The following ITFG1 variants were observed in gnomAD, a reference collection of about 807,000 sequenced individuals.
ITFG1 encodes the protein integrin alpha FG-GAP repeat containing 1.
In ITFG1, 34 loss-of-function variants were observed where a neutral mutation model predicts 81.8. The ratio of observed to expected loss-of-function variants is 0.42; its 90% confidence interval spans 0.32 to 0.55. ITFG1 has a LOEUF of 0.55. Among genes scored for constraint, ITFG1 ranks in the 20% least tolerant of loss-of-function variants. The pLI is 0.17. For missense variants in ITFG1, 672 were observed against 755.4 expected (o/e 0.89, Z 1.29); for synonymous variants, 285 against 270.6 (o/e 1.05, Z -0.52).
intron 8 of ITFG1, among the ~76,000 whole-genome samples, chr16:47,318,567 A>G (rs892214298): frequency 1.3e-5 from 2 of 152,196 alleles, no homozygotes; most frequent in African/African-American, 4.8e-5. Context: ...CCATAGAAGA[A>G]TAGTTCTCAA....
intron 14 of ITFG1, among the ~76,000 whole-genome samples, chr16:47,214,682 G>A (rs186619817): frequency 6.6e-6 from 1 of 152,200 alleles, no homozygotes; most frequent in Admixed American, 6.5e-5. Context: ...TGACTCCTCT[G>A]TAATGTAACT....
chr16:47,335,409 A>G (rs1967691166), intron 8 of ITFG1, among the ~76,000 whole-genome samples: 1 of 152,102 alleles, frequency 6.6e-6, no homozygotes, highest in South Asian at 2.1e-4. Context: ...CCCCCAAAAC[A>G]ACAAAAAACC....
intron 14 of ITFG1, among the ~76,000 whole-genome samples, chr16:47,181,469 C>G (rs1421853609): frequency 6.9e-6 from 1 of 145,202 alleles, no homozygotes; most frequent in Non-Finnish European, 1.5e-5. Flanking sequence ...TCAGCCCCCC[C>G]GCCCGGCCAG....
chr16:47,203,334 G>C (rs1218183203), intron 14 of ITFG1, among the ~76,000 whole-genome samples: 1 of 152,222 alleles, frequency 6.6e-6, no homozygotes, highest in Non-Finnish European at 1.5e-5. Flanking sequence ...TTTTGTGGAA[G>C]ACAATTTTTC....
intron 10 of ITFG1, among the ~76,000 whole-genome samples, chr16:47,300,838 T>G (rs761008930): frequency 6.6e-6 from 1 of 152,182 alleles, no homozygotes. Context: ...TTTGTAAGTA[T>G]AGACAAATTA....
intron 7 of ITFG1, among the ~76,000 whole-genome samples, chr16:47,374,238 A>G (rs947797937): frequency 2.5e-4 from 38 of 152,336 alleles, no homozygotes; most frequent in African/African-American, 8.9e-4. Context: ...GAGTTTAAAA[A>G]TACTTTTTTC....
At chr16:47,349,173 T>C (rs1967909633) in intron 8 of ITFG1, among the ~76,000 whole-genome samples, 1 of 152,190 alleles carries the variant, frequency 6.6e-6, no homozygotes, top group South Asian at 2.1e-4. Context: ...AGTTACCAGC[T>C]AACATCATAA....
chr16:47,196,772 C>A (rs1467456743), intron 14 of ITFG1: 1 of 152,178 alleles, frequency 6.6e-6, no homozygotes, highest in Non-Finnish European at 1.5e-5. Flanking sequence ...GCCTGGCCAA[C>A]TGGTGAAACC....
chr16:47,449,610 T>C (rs575574675), intron 5 of ITFG1: 1 of 152,344 alleles, frequency 6.6e-6, no homozygotes, highest in Non-Finnish European at 1.5e-5. Context: ...GCTACTATTG[T>C]TTAATTTGTA....
rs774684276 is a variant in ITFG1, at chr16:47,461,033, C to T, written c.13G>A (p.Gly5Ser). Residue 5 changes from glycine to serine, a missense_variant, in exon 1 of 18, where the codon GGC becomes AGC. By Grantham distance (56) the Gly-to-Ser change is moderately conservative. Transcript: ENST00000320640. ...AGGGCCCAGGAGCTCGGGAGCCGGC[C>T]CGCCGCCGCCATGGCAGCCCCTCAG... Reference protein sequence around the residue: MAAAGRLPSSWALFS... With the variant: MAAASRLPSSWALFS... 4 of 1,541,120 alleles carry T rather than the reference C, an allele frequency of 2.6e-6. No individual in the cohort carries two copies. Among genetic ancestry groups the T allele is most frequent in the South Asian group, 2.4e-5 (2 of 84,062 alleles).
intron 6 of ITFG1, among the ~76,000 whole-genome samples, chr16:47,415,666 A>AT (rs1209504423): frequency 6.6e-6 from 1 of 152,168 alleles, no homozygotes; most frequent in Non-Finnish European, 1.5e-5. Context: ...ATGAAATACC[A>AT]TTTTTTCCAA....
intron 14 of ITFG1, among the ~76,000 whole-genome samples, chr16:47,189,167 C>T (rs1396280895): frequency 6.6e-6 from 1 of 152,200 alleles, no homozygotes; most frequent in African/African-American, 2.4e-5. Context: ...CCCAGTTATA[C>T]ATTTAGAATG....
intron 8 of ITFG1, among the ~76,000 whole-genome samples, chr16:47,354,802 C>T (rs572277047): frequency 5.3e-5 from 8 of 152,186 alleles, no homozygotes; most frequent in African/African-American, 1.7e-4. Flanking sequence ...TGCTCAACAT[C>T]ATGAATCATC....
At chr16:47,181,293 CTCTG>C (rs1201619728) in intron 14 of ITFG1, among the ~76,000 whole-genome samples, 1 of 148,876 alleles carries the variant, frequency 6.7e-6, no homozygotes, top group Non-Finnish European at 1.5e-5. Context: ...TGAGGAGCGT[CTCTG>C]TCTGGGAAGT....
At chr16:47,202,708 T>C (rs753237506) in intron 14 of ITFG1, among the ~76,000 whole-genome samples, 2 of 152,062 alleles carry the variant, frequency 1.3e-5, no homozygotes, top group Non-Finnish European at 2.9e-5. Context: ...GCCTAGGTCT[T>C]GAATAGATAT....
chr16:47,291,746 A>G (rs1434401297), intron 10 of ITFG1, among the ~76,000 whole-genome samples: 1 of 151,930 alleles, frequency 6.6e-6, no homozygotes, highest in East Asian at 1.9e-4. Context: ...TGTCTATTTT[A>G]TTTTTTATTT....
intron 13 of ITFG1, among the ~76,000 whole-genome samples, chr16:47,226,831 G>A (rs545848451): frequency 1.3e-5 from 2 of 151,412 alleles, no homozygotes; most frequent in South Asian, 2.1e-4. Flanking sequence ...ATAACATAAA[G>A]CAATGCCTCT....
At chr16:47,407,499 C>G (rs558608609) in intron 6 of ITFG1, among the ~76,000 whole-genome samples, 15 of 152,066 alleles carry the variant, frequency 9.9e-5, no homozygotes, top group African/African-American at 3.6e-4. Context: ...TACAGACATG[C>G]CTGGCTAATT....
Position 47,454,045 on chromosome 16 carries a change from G to C in ITFG1, c.395C>G (p.Ala132Gly). The change falls in exon 3 of 18, where the codon GCT (alanine) becomes GGT (glycine). Residue 132 changes from alanine to glycine, a missense_variant. Transcript: ENST00000320640. ...PKNYAKSELGAVIFWGQNQTL... is the reference protein window; with the variant it reads ...PKNYAKSELGGVIFWGQNQTL... ...TTGATTTTGTCCCCAGAAGATAACAGCTCCTAATTCACTCTTGGCATAATT... is the reference window on the plus strand; with the variant it reads ...TTGATTTTGTCCCCAGAAGATAACACCTCCTAATTCACTCTTGGCATAATT... 6.2e-7 allele frequency: 1 copy of C among 1,608,758 alleles called. No individual in the cohort carries two copies. Among genetic ancestry groups the C allele is most frequent in the Non-Finnish European group, 8.5e-7 (1 of 1,176,748 alleles).
Sources: allele counts gnomAD v4.1 joint callset (sites outside exome capture counted in the v4.1 genomes callset), GRCh38; gene constraint gnomAD v4.1.1; transcripts MANE v1.5; gene names NCBI Gene and HGNC (gene_info 2026-07-23, HGNC 2026-07-21).